The following DPP10 variants were observed in gnomAD, a reference collection of about 807,000 sequenced individuals.
DPP10 encodes inactive dipeptidyl peptidase 10.
Under a neutral mutation model 120.9 loss-of-function variants are expected in DPP10, and 33 were observed. The observed-to-expected ratio is 0.27, with a 90% CI of 0.21 to 0.37. The LOEUF is 0.37. Ranked by LOEUF, DPP10 falls within the 10% of genes least tolerant of loss-of-function variation. The pLI, the probability that DPP10 is intolerant of heterozygous loss-of-function variation, is 1.00. For missense variants in DPP10, 816 were observed against 942.8 expected (o/e 0.87, Z 1.76); for synonymous variants, 337 against 326.1 (o/e 1.03, Z -0.36).
At chr2:115,467,910 T>C (rs147240661) in intron 3 of DPP10, 226 of 206,838 alleles carry the variant, frequency 1.1e-3, no homozygotes, top group Admixed American at 1.5e-3. Flanking sequence ...TTTTGCTAAA[T>C]ATATGTTAAA....
chr2:115,640,539 T>A (rs2086699367), intron 5 of DPP10, among the ~76,000 whole-genome samples: 1 of 152,068 alleles, frequency 6.6e-6, no homozygotes, highest in Non-Finnish European at 1.5e-5. Context: ...AAACCTAATA[T>A]TTTTTGTCTA....
intron 1 of DPP10, among the ~76,000 whole-genome samples, chr2:114,667,722 A>G: frequency 6.6e-6 from 1 of 152,190 alleles, no homozygotes; most frequent in African/African-American, 2.4e-5. Flanking sequence ...ACTTCAGAAA[A>G]GAAGAGTACA....
intron 5 of DPP10, among the ~76,000 whole-genome samples, chr2:115,575,707 C>T (rs1214289323): frequency 1.3e-5 from 2 of 152,044 alleles, no homozygotes; most frequent in Non-Finnish European, 2.9e-5. Flanking sequence ...GTGAGTCTGC[C>T]ACCTTTTATG....
At chr2:115,257,300 C>T (rs2059044964) in intron 1 of DPP10, among the ~76,000 whole-genome samples, 1 of 152,068 alleles carries the variant, frequency 6.6e-6, no homozygotes, top group South Asian at 2.1e-4. Flanking sequence ...TCTCGTGTTG[C>T]TGTAAAGAAA....
intron 1 of DPP10, among the ~76,000 whole-genome samples, chr2:115,198,251 G>C (rs992574243): frequency 6.6e-6 from 1 of 152,120 alleles, no homozygotes; most frequent in Non-Finnish European, 1.5e-5. Flanking sequence ...GCTCAGAGTA[G>C]AAGCCAAGCC....
chr2:114,535,044 T>G (rs1686364253), intron 1 of DPP10, among the ~76,000 whole-genome samples: 1 of 152,154 alleles, frequency 6.6e-6, no homozygotes, highest in South Asian at 2.1e-4. Context: ...AAAATTTGGC[T>G]GCTGTTGTCT....
chr2:115,491,219 C>T (rs537652308), intron 3 of DPP10, among the ~76,000 whole-genome samples: 63 of 152,290 alleles, frequency 4.1e-4, no homozygotes, highest in Middle Eastern at 3.4e-3. Flanking sequence ...ACTCCAACTA[C>T]AGCAAACACT....
intron 1 of DPP10, among the ~76,000 whole-genome samples, chr2:115,203,542 A>G (rs1417055935): frequency 1.3e-5 from 2 of 152,116 alleles, no homozygotes; most frequent in East Asian, 3.9e-4. Flanking sequence ...TAAGGGTGAT[A>G]TGCTCCCAAA....
chr2:114,538,874 C>A (rs755884096), intron 1 of DPP10, among the ~76,000 whole-genome samples: 9 of 152,154 alleles, frequency 5.9e-5, no homozygotes, highest in Non-Finnish European at 1.3e-4. Flanking sequence ...AGAGAATTCC[C>A]TTCTCTGTCG....
intron 1 of DPP10, among the ~76,000 whole-genome samples, chr2:114,643,314 A>G (rs975852839): frequency 1.3e-5 from 2 of 151,866 alleles, no homozygotes; most frequent in Admixed American, 6.5e-5. Context: ...ACAATTTACA[A>G]AAGCAGTTAT....
intron 3 of DPP10, among the ~76,000 whole-genome samples, chr2:115,355,593 C>G (rs533508855): frequency 2.0e-5 from 3 of 152,136 alleles, no homozygotes; most frequent in Non-Finnish European, 4.4e-5. Context: ...CCTTTTGTTG[C>G]AATTGCTTTT....
intron 5 of DPP10, among the ~76,000 whole-genome samples, chr2:115,651,270 A>C (rs1224325563): frequency 6.6e-6 from 1 of 152,108 alleles, no homozygotes; most frequent in Non-Finnish European, 1.5e-5. Flanking sequence ...GTATAATATG[A>C]ATAGACTTCT....
chr2:115,550,081 G>C (rs978183441), intron 5 of DPP10, among the ~76,000 whole-genome samples: 1 of 152,112 alleles, frequency 6.6e-6, no homozygotes, highest in African/African-American at 2.4e-5. Flanking sequence ...AAAAGGGGGA[G>C]AGACAGCTTC....
chr2:115,399,655 T>G (rs561100654), intron 3 of DPP10, among the ~76,000 whole-genome samples: 140 of 152,322 alleles, frequency 9.2e-4, no homozygotes, highest in African/African-American at 3.2e-3. Context: ...TTAATTTATA[T>G]GCTTAAAGTC....
intron 1 of DPP10, among the ~76,000 whole-genome samples, chr2:114,733,254 T>C (rs1677093512): frequency 6.6e-6 from 1 of 152,178 alleles, no homozygotes; most frequent in Admixed American, 6.5e-5. Flanking sequence ...TCTCTTTTGC[T>C]TCACAGTAGC....
intron 3 of DPP10, among the ~76,000 whole-genome samples, chr2:115,455,676 A>G (rs2073469567): frequency 6.6e-6 from 1 of 152,136 alleles, no homozygotes; most frequent in Non-Finnish European, 1.5e-5. Flanking sequence ...ATCTACAACC[A>G]TCTGATCTTT....
chr2:114,605,798 G>A (rs1158252796), intron 1 of DPP10, among the ~76,000 whole-genome samples: 1 of 152,120 alleles, frequency 6.6e-6, no homozygotes, highest in Non-Finnish European at 1.5e-5. Context: ...AAGGAATAAA[G>A]TAGCAAGTAA....
intron 1 of DPP10, among the ~76,000 whole-genome samples, chr2:114,825,503 G>A (rs1375035722): frequency 6.6e-6 from 1 of 151,994 alleles, no homozygotes; most frequent in Non-Finnish European, 1.5e-5. Context: ...GATTTTCTTG[G>A]GTTATAGAAT....
chr2:114,540,148 C>T (rs1228149404), intron 1 of DPP10, among the ~76,000 whole-genome samples: 1 of 152,146 alleles, frequency 6.6e-6, no homozygotes, highest in Non-Finnish European at 1.5e-5. Flanking sequence ...GTGATATTTT[C>T]CAAATAAGGT....
Sources: allele counts gnomAD v4.1 joint callset (sites outside exome capture counted in the v4.1 genomes callset), GRCh38; gene constraint gnomAD v4.1.1; transcripts MANE v1.5; gene names NCBI Gene and HGNC (gene_info 2026-07-23, HGNC 2026-07-21).